The following GPBP1L1 variants were observed in gnomAD, a reference collection of about 807,000 sequenced individuals.
GPBP1L1 encodes the protein vasculin-like protein 1.
In GPBP1L1, 23 loss-of-function variants were observed where a neutral mutation model predicts 52.5. The ratio of observed to expected loss-of-function variants is 0.44; its 90% CI spans 0.32 to 0.62. The LOEUF (loss-of-function observed/expected upper bound fraction) is 0.62, where lower values mean the gene tolerates loss of function less well. Among genes scored for constraint, GPBP1L1 ranks in the 20% least tolerant of loss-of-function variants. GPBP1L1 has a pLI of 0.06. For missense variants in GPBP1L1, 596 were observed against 579.3 expected, an observed-to-expected ratio of 1.03 and a Z score of -0.30; for synonymous variants, 243 against 203.1, an observed-to-expected ratio of 1.20 and a Z score of -1.67.
rs139184518 is a variant in GPBP1L1, at chr1:45,657,050, C to T, written c.61-1731G>A. ...TATGTCTATCATTATGCCAAAACCA[C>T]AGGGCTTTGCTTATTATAGTTTCGA... On this transcript the variant is annotated intron_variant, in intron 4 of 12. Coordinates refer to ENST00000355105, the MANE Select transcript of GPBP1L1 (RefSeq NM_021639.5). Among the ~76,000 whole-genome samples, 16 of 152,252 alleles carry T rather than the reference C, an allele frequency of 1.1e-4. No homozygotes were observed. The East Asian group carries it at 2.9e-3, about 28-fold the overall frequency.
intron 2 of GPBP1L1, among the ~76,000 whole-genome samples, chr1:45,671,019 C>T (rs1308624371): frequency 1.3e-5 from 2 of 151,960 alleles, no homozygotes; most frequent in Non-Finnish European, 2.9e-5. Flanking sequence ...GTCTCGAACT[C>T]CTGACCTCAA....
At chr1:45,649,719 T>C (rs1187919405) in intron 6 of GPBP1L1, among the ~76,000 whole-genome samples, 1 of 152,194 alleles carries the variant, frequency 6.6e-6, no homozygotes, top group Non-Finnish European at 1.5e-5. Context: ...ACATATAAAA[T>C]ATACTCAATT....
chr1:45,646,128 G>A lies in GPBP1L1; in HGVS notation c.478-3629C>T, dbSNP rs11211148. On this transcript the variant is annotated intron_variant, in intron 6 of 12. Transcript: ENST00000355105. ...TTTGGAGCATGGCCTAGTAAGAACC[G>A]GCGTTTCCCTCTCTTTTCGGCATTG... 2,353 of 403,732 alleles carry A rather than the reference G, an allele frequency of 5.8e-3. 40 individuals carry two copies. The highest frequency in any genetic ancestry group is 0.037 in the African/African-American group (1,792 of 47,832). 25.0% of individuals were successfully genotyped at this position (403,732 alleles called of 1,614,324 possible).
intron 8 of GPBP1L1, among the ~76,000 whole-genome samples, chr1:45,639,266 G>C (rs1268447134): frequency 6.6e-6 from 1 of 152,128 alleles, no homozygotes; most frequent in Non-Finnish European, 1.5e-5. Context: ...AAATAGAAAG[G>C]TATACTAGAA....
rs997746185 is a variant in GPBP1L1, at chr1:45,627,873, G to A, written c.*383C>T. The stretch of plus-strand genomic sequence containing the variant: ...TAACTTCAATAGTCACTTTGTCATT[G>A]ACAATGATTGCTTGATCACAGGGGT... On this transcript the variant is annotated 3_prime_UTR_variant, in exon 13 of 13. Coordinates refer to ENST00000355105, the MANE Select transcript of GPBP1L1 (RefSeq NM_021639.5). The A allele has an allele frequency of 6.2e-6, 1 of 161,898 alleles. No individual in the cohort carries two copies. Among genetic ancestry groups the A allele is most frequent in the Non-Finnish European group, 1.3e-5 (1 of 74,652 alleles). 10.0% of individuals were successfully genotyped at this position (161,898 alleles called of 1,614,324 possible). A position where few individuals can be genotyped will look rare whatever the true frequency, so the allele number is the denominator to read the frequency against.
intron 2 of GPBP1L1, among the ~76,000 whole-genome samples, chr1:45,668,210 T>C (rs181372664): frequency 6.6e-5 from 10 of 152,280 alleles, no homozygotes; most frequent in Non-Finnish European, 1.3e-4. Flanking sequence ...ATGATAGGCA[T>C]AAATAAGTTT....
At chr1:45,680,733 C>A (rs932582157) in intron 2 of GPBP1L1, among the ~76,000 whole-genome samples, 1 of 152,010 alleles carries the variant, frequency 6.6e-6, no homozygotes, top group Non-Finnish European at 1.5e-5. Flanking sequence ...CAAATACCTA[C>A]CTAATTTGGA....
At chr1:45,643,038 G>A (rs1644693800) in intron 6 of GPBP1L1, among the ~76,000 whole-genome samples, 1 of 152,154 alleles carries the variant, frequency 6.6e-6, no homozygotes, top group Admixed American at 6.5e-5. Flanking sequence ...ACAATAAAAG[G>A]TTACAAGGAC....
At chr1:45,647,994 G>T (rs1277788918) in intron 6 of GPBP1L1, among the ~76,000 whole-genome samples, 1 of 152,034 alleles carries the variant, frequency 6.6e-6, no homozygotes, top group Admixed American at 6.6e-5. Context: ...AGGGTGGAAT[G>T]AAGTGGTGCC....
intron 2 of GPBP1L1, among the ~76,000 whole-genome samples, chr1:45,682,875 T>A (rs945817752): frequency 3.9e-5 from 6 of 152,158 alleles, no homozygotes; most frequent in Non-Finnish European, 2.9e-5. Flanking sequence ...TGAGGCAGAT[T>A]TCAGTGGGAA....
At chr1:45,647,806 A>G (rs538314090) in intron 6 of GPBP1L1, among the ~76,000 whole-genome samples, 1 of 152,276 alleles carries the variant, frequency 6.6e-6, no homozygotes, top group East Asian at 1.9e-4. Context: ...GCCACAACTG[A>G]GCCCTTTCTA....
intron 7 of GPBP1L1, chr1:45,641,593 C>G (rs564706175): frequency 6.6e-6 from 1 of 151,420 alleles, no homozygotes; most frequent in Admixed American, 6.6e-5. Context: ...CCGAGGCAGG[C>G]GGATGATGAG....
intron 2 of GPBP1L1, among the ~76,000 whole-genome samples, chr1:45,678,109 C>T (rs370566769): frequency 1.5e-4 from 23 of 152,218 alleles, no homozygotes; most frequent in African/African-American, 5.5e-4. Flanking sequence ...TAGGCAAATC[C>T]AGAGAGAGAG....
intron 2 of GPBP1L1, among the ~76,000 whole-genome samples, chr1:45,666,207 A>T (rs765360741): frequency 2.6e-5 from 4 of 151,576 alleles, no homozygotes; most frequent in Non-Finnish European, 5.9e-5. Context: ...TCCATCCCCC[A>T]GTGGCACCCA....
chr1:45,665,769 GA>G (rs1453554821), intron 2 of GPBP1L1, among the ~76,000 whole-genome samples: 1 of 134,272 alleles, frequency 7.4e-6, no homozygotes, highest in Admixed American at 7.5e-5. Flanking sequence ...AAAAAAAAAG[GA>G]AAGTTTCCAA....
chr1:45,651,518 G>T, intron 6 of GPBP1L1: 2 of 512,660 alleles, frequency 3.9e-6, no homozygotes, highest in Non-Finnish European at 7.1e-6. Context: ...CTTTGCCTCT[G>T]ATCTGTACTT....
At chr1:45,633,698 G>C in intron 9 of GPBP1L1, 51 bp from the exon 10 acceptor site, 1 of 1,579,416 alleles carries the variant, frequency 6.3e-7, no homozygotes, top group Non-Finnish European at 8.6e-7. Flanking sequence ...AGCAAGAACT[G>C]GGGTTCTCTT....
In GPBP1L1 at chr1:45,660,702, C is replaced by T; in HGVS notation, c.-574G>A. On this transcript the variant is annotated 5_prime_UTR_variant, in exon 3 of 13. The change creates a new upstream start codon in the 5' untranslated region. Coordinates refer to ENST00000355105, the MANE Select transcript of GPBP1L1 (RefSeq NM_021639.5). Reference sequence around the variant, plus strand: ...TGAGCAGTCAACTCCAAAACATCCACATGACAAAGTCCTTAAAATACAAAT... The same window carrying T: ...TGAGCAGTCAACTCCAAAACATCCATATGACAAAGTCCTTAAAATACAAAT... 1 of 214,162 alleles carries T rather than the reference C, an allele frequency of 4.7e-6. No individual in the cohort carries two copies. Among genetic ancestry groups the T allele is most frequent in the Non-Finnish European group, 8.0e-6 (1 of 124,708 alleles). 13.3% of individuals were successfully genotyped at this position (214,162 alleles called of 1,614,324 possible).
chr1:45,641,401 AAAAACAAAAC>A (rs755095935), intron 7 of GPBP1L1, among the ~76,000 whole-genome samples: 5 of 151,988 alleles, frequency 3.3e-5, no homozygotes, highest in Non-Finnish European at 5.9e-5. Context: ...TTCTGTCTCA[AAAAACAAAAC>A]AAAACAAAAC....
Sources: gnomAD v4.1 joint callset for allele counts (sites outside exome capture counted in the v4.1 genomes callset) on GRCh38, gnomAD v4.1.1 for gene constraint, MANE v1.5 for transcripts, NCBI Gene and HGNC (gene_info 2026-07-23, HGNC 2026-07-21) for gene names.